The following MKLN1 variants were observed in gnomAD, a reference collection of about 807,000 sequenced individuals.
MKLN1 encodes muskelin 1.
MKLN1 carries 18 observed loss-of-function variants against 99.0 expected under a neutral mutation model. The ratio of observed to expected loss-of-function variants is 0.18; its 90% CI spans 0.13 to 0.27. The LOEUF is 0.27. Ranked by LOEUF, MKLN1 falls within the 10% of genes least tolerant of loss-of-function variation. The pLI is 1.00. For missense variants in MKLN1, 621 were observed against 875.9 expected (o/e 0.71, Z 3.67); for synonymous variants, 288 against 293.2 (o/e 0.98, Z 0.18).
At chr7:131,328,833 T>C (rs536105367) in intron 1 of MKLN1, among the ~76,000 whole-genome samples, 4 of 152,344 alleles carry the variant, frequency 2.6e-5, no homozygotes, top group Non-Finnish European at 4.4e-5. Context: ...GTTGGTGGTG[T>C]TTTTTTCTCT....
chr7:131,294,850 G>C (rs1798267460), intron 3 of MKLN1, among the ~76,000 whole-genome samples: 1 of 152,126 alleles, frequency 6.6e-6, no homozygotes, highest in South Asian at 2.1e-4. Context: ...TCATGATAAG[G>C]CTGCTCTCAC....
intron 6 of MKLN1, among the ~76,000 whole-genome samples, chr7:131,410,217 T>G (rs1271248729): frequency 1.3e-5 from 2 of 152,162 alleles, no homozygotes; most frequent in African/African-American, 4.8e-5. Flanking sequence ...TATGAGTTTA[T>G]CAATACAGCA....
chr7:131,166,121 G>T (rs1485982836), intron 2 of MKLN1, among the ~76,000 whole-genome samples: 1 of 151,614 alleles, frequency 6.6e-6, no homozygotes, highest in East Asian at 1.9e-4. Context: ...AAAAGAAAAT[G>T]ATTATGGTAG....
At chr7:131,142,996 C>T in intron 2 of MKLN1, 1 of 1,187,036 alleles carries the variant, frequency 8.4e-7, no homozygotes, top group Non-Finnish European at 1.1e-6. Context: ...AAGTACTGTA[C>T]CTATATAGTA....
At chr7:131,356,446 C>A (rs550814954) in intron 1 of MKLN1, among the ~76,000 whole-genome samples, 77 of 152,232 alleles carry the variant, frequency 5.1e-4, no homozygotes, top group South Asian at 4.2e-3. Context: ...ATTTCCCCCC[C>A]CAAGAGTCCA....
At chr7:131,317,765 C>CAA (rs146525048) in intron 3 of MKLN1, among the ~76,000 whole-genome samples, 36 of 49,976 alleles carry the variant, frequency 7.2e-4, no homozygotes, top group South Asian at 1.7e-3. Context: ...AAATGGAAAG[C>CAA]AAAAAAAAAA....
intron 12 of MKLN1, among the ~76,000 whole-genome samples, chr7:131,458,049 T>C (rs896211661): frequency 1.3e-5 from 2 of 152,202 alleles, no homozygotes; most frequent in Non-Finnish European, 2.9e-5. Context: ...GAAAGCGTTA[T>C]ACCTAAGCAG....
intron 3 of MKLN1, among the ~76,000 whole-genome samples, chr7:131,236,681 G>A (rs1390520397): frequency 6.6e-6 from 1 of 152,010 alleles, no homozygotes. Flanking sequence ...TTTAAAAAAA[G>A]TAGTGATGGA....
intron 1 of MKLN1, among the ~76,000 whole-genome samples, chr7:131,132,827 G>C (rs541925903): frequency 9.3e-5 from 14 of 150,934 alleles, no homozygotes; most frequent in Non-Finnish European, 1.3e-4. Flanking sequence ...TCATGAGGCT[G>C]AGGCAGGAGA....
chr7:131,481,911 GTATTAA>G (rs1463773358), intron 17 of MKLN1, among the ~76,000 whole-genome samples: 1 of 149,944 alleles, frequency 6.7e-6, no homozygotes, highest in African/African-American at 2.5e-5. Flanking sequence ...TTAAATAAAA[GTATTAA>G]TATTGTATGT....
rs1273098458 is a variant in MKLN1, at chr7:131,490,596, TATC to T, written c.*2870_*2872del. The T allele has an allele frequency of 6.6e-6, 1 of 152,586 alleles. No homozygotes were observed. Among genetic ancestry groups the T allele is most frequent in the Non-Finnish European group, 1.5e-5 (1 of 68,012 alleles). 9.5% of individuals were successfully genotyped at this position (152,586 alleles called of 1,614,324 possible). ...GAAGCTGACAGACAGTATTAACTCT[TATC>T]AAGGCCATCTTTTAGACCTGATTTT... On this transcript the variant is annotated 3_prime_UTR_variant, in exon 18 of 18. Transcript: ENST00000352689.
At chr7:131,142,376 A>T (rs1293573376) in intron 1 of MKLN1, among the ~76,000 whole-genome samples, 3 of 151,144 alleles carry the variant, frequency 2.0e-5, no homozygotes, top group Non-Finnish European at 4.4e-5. Flanking sequence ...GCGCCACTGT[A>T]CTTCAGCCTG....
chr7:131,158,084 A>T (rs1445381508), intron 2 of MKLN1, among the ~76,000 whole-genome samples: 1 of 152,158 alleles, frequency 6.6e-6, no homozygotes. Context: ...GCGTTTTGCC[A>T]TGGAAAAATT....
At chr7:131,209,118 G>T (rs1796862006) in intron 3 of MKLN1, among the ~76,000 whole-genome samples, 1 of 152,192 alleles carries the variant, frequency 6.6e-6, no homozygotes, top group Non-Finnish European at 1.5e-5. Flanking sequence ...AGAAATTTGA[G>T]TTTGAGAAAG....
intron 17 of MKLN1, among the ~76,000 whole-genome samples, chr7:131,481,591 A>G (rs774569352): frequency 1.3e-5 from 2 of 152,128 alleles, no homozygotes; most frequent in African/African-American, 2.4e-5. Context: ...TAAGGAGCAA[A>G]TTCAGATTGT....
intron 3 of MKLN1, among the ~76,000 whole-genome samples, chr7:131,291,101 T>TTTTATTTTATTTTATTTA (rs550977388): frequency 3.0e-5 from 4 of 134,842 alleles, no homozygotes; most frequent in African/African-American, 1.2e-4. Flanking sequence ...TCTCATTTTA[T>TTTTATTTTATTTTATTTA]TTTATTTATT....
At chr7:131,326,187 C>T (rs1798885691), upstream of MKLN1, among the ~76,000 whole-genome samples, 1 of 152,124 alleles carries the variant, frequency 6.6e-6, no homozygotes, top group South Asian at 2.1e-4. Context: ...TCAAAGATAA[C>T]CACTATATCA....
intron 8 of MKLN1, among the ~76,000 whole-genome samples, chr7:131,427,798 C>A (rs1261149184): frequency 6.6e-6 from 1 of 152,126 alleles, no homozygotes; most frequent in African/African-American, 2.4e-5. Context: ...TTGTGATCCA[C>A]CTGCCTCAGC....
At chr7:131,364,670 T>C (rs559133419) in intron 1 of MKLN1, among the ~76,000 whole-genome samples, 2 of 152,232 alleles carry the variant, frequency 1.3e-5, no homozygotes, top group South Asian at 2.1e-4. Flanking sequence ...TGTTGTTTGC[T>C]TCTTTGTGTT....
Sources: gnomAD v4.1 joint callset for allele counts (sites outside exome capture counted in the v4.1 genomes callset) on GRCh38, gnomAD v4.1.1 for gene constraint, MANE v1.5 for transcripts, NCBI Gene and HGNC (gene_info 2026-07-23, HGNC 2026-07-21) for gene names.